Variants in ATP2A1 observed in about 807,000 individuals in gnomAD.
ATP2A1 encodes the protein ATPase sarcoplasmic/endoplasmic reticulum Ca2+ transporting 1, also known as sarcoplasmic/endoplasmic reticulum calcium ATPase 1.
ATP2A1 carries 83 observed loss-of-function variants against 109.5 expected under a neutral mutation model. That is an observed-to-expected ratio of 0.76 (90% CI 0.63 to 0.91). The LOEUF (loss-of-function observed/expected upper bound fraction) is 0.91. Among genes scored for constraint, ATP2A1 ranks in the 40% least tolerant of loss-of-function variants. ATP2A1 has a pLI of 0.00. For missense variants in ATP2A1, 1,101 were observed against 1,341.0 expected, an observed-to-expected ratio of 0.82 and a Z score of 2.80; for synonymous variants, 505 against 537.6, an observed-to-expected ratio of 0.94 and a Z score of 0.84.
chr16:28,883,294 A>G lies in ATP2A1; in HGVS notation c.463+705A>G, dbSNP rs746356155. Among the ~76,000 whole-genome samples, 1 of 152,202 alleles carries G rather than the reference A, an allele frequency of 6.6e-6. No individual in the cohort carries two copies. The highest frequency in any genetic ancestry group is 1.5e-5 in the Non-Finnish European group (1 of 68,028). On this transcript the variant is annotated intron_variant, in intron 5 of 22. Transcript: ENST00000395503. This position sits in a 1 kb window ranked among gnomAD's most constrained non-coding sequence, Gnocchi z 5.2. ...AGAGGCCTCCTTCCCTGTAGCAGAC[A>G]TCCGAATCACCACCCCAGGGAGCTT... is the stretch of plus-strand genomic sequence containing the variant.
intron 1 of ATP2A1, 66 bp downstream of exon 1, chr16:28,878,855 C>A: frequency 4.6e-6 from 7 of 1,506,760 alleles, no homozygotes; most frequent in Non-Finnish European, 6.5e-6. Context: ...CACACGCACA[C>A]GCATGCACGC....
chr16:28,886,987 T>C (rs1256029022), intron 6 of ATP2A1, among the ~76,000 whole-genome samples: 1 of 143,590 alleles, frequency 7.0e-6, no homozygotes, highest in East Asian at 2.0e-4. Context: ...ACTGCAACTC[T>C]GTCTCAAAAA....
intron 8 of ATP2A1, among the ~76,000 whole-genome samples, 172 bp downstream of exon 8, chr16:28,887,894 G>A (rs886832021): frequency 6.6e-6 from 1 of 152,134 alleles, no homozygotes; most frequent in Non-Finnish European, 1.5e-5. Context: ...TCCGCCTCGC[G>A]GGTTCACGCC....
rs1963990187 is a variant in ATP2A1, at chr16:28,898,860, G to A, written c.1764+409G>A. On this transcript the variant is annotated intron_variant, in intron 14 of 22. Coordinates refer to ENST00000395503, the MANE Select transcript of ATP2A1 (RefSeq NM_004320.6). This position sits in a 1 kb window ranked among gnomAD's most constrained non-coding sequence, Gnocchi z 4.0. Reference sequence around the variant, plus strand: ...GAACTGGACATGGTGACACACACCTGTAGACCCAGCTACTGGGGAGCCTGA... The same window carrying A: ...GAACTGGACATGGTGACACACACCTATAGACCCAGCTACTGGGGAGCCTGA... 6.6e-6 allele frequency among the ~76,000 whole-genome samples: 1 copy of A among 152,160 alleles called. No homozygotes were observed. The highest frequency in any genetic ancestry group is 1.5e-5 in the Non-Finnish European group (1 of 68,028).
intron 4 of ATP2A1, chr16:28,881,378 C>T: frequency 2.7e-6 from 1 of 371,866 alleles, no homozygotes; most frequent in Non-Finnish European, 5.1e-6. Flanking sequence ...CTGACCACCC[C>T]CTACATGTCC....
In ATP2A1 at chr16:28,898,962, G is replaced by A. The variant is rs1963991356; in HGVS notation, c.1764+511G>A. Among the ~76,000 whole-genome samples the A allele has an allele frequency of 6.6e-6, 1 of 151,746 alleles. No individual in the cohort carries two copies. Among genetic ancestry groups the A allele is most frequent in the South Asian group, 2.1e-4 (1 of 4,806 alleles). On this transcript the variant is annotated intron_variant, in intron 14 of 22. Transcript: ENST00000395503. The surrounding 1 kb of genome is among the most constrained non-coding windows in gnomAD (Gnocchi z 4.0). ...CCCACCACTGCACTCCAGCCTGCAT[G>A]ACAAGCAAGGCCCTGTCTCTAAAAA...
chr16:28,902,710 G>C lies in ATP2A1; in HGVS notation c.2610+45G>C. The stretch of plus-strand genomic sequence containing the variant: ...GAGGGGACCAGGAGGGTGTGGGGAT[G>C]CAGGAGGGTACCAGGAGGGTGGCAT... On this transcript the variant is annotated intron_variant, in intron 18 of 22. Coordinates refer to ENST00000395503, the MANE Select transcript of ATP2A1 (RefSeq NM_004320.6). The surrounding 1 kb of genome is among the most constrained non-coding windows in gnomAD (Gnocchi z 4.8). 1 of 1,613,912 alleles carries C rather than the reference G, an allele frequency of 6.2e-7. No homozygotes were observed. Among genetic ancestry groups the C allele is most frequent in the Non-Finnish European group, 8.5e-7 (1 of 1,179,876 alleles).
Position 28,903,205 on chromosome 16 carries a change from C to A in ATP2A1, c.2862+58C>A. 1 of 1,598,170 alleles carries A rather than the reference C, an allele frequency of 6.3e-7. No homozygotes were observed. The highest frequency in any genetic ancestry group is 8.6e-7 in the Non-Finnish European group (1 of 1,166,612). On this transcript the variant is annotated intron_variant, in intron 20 of 22. Transcript: ENST00000395503. This position sits in a 1 kb window ranked among gnomAD's most constrained non-coding sequence, Gnocchi z 5.6. ...CAGCACTGGGGAGCCCACGGCGGGC[C>A]CATGACCACTCCCACCAGGGGCGCC... is the stretch of plus-strand genomic sequence containing the variant.
At position 28,898,288 on chromosome 16, in the gene ATP2A1, G is replaced by A. The variant is rs149334947; in HGVS notation, c.1601G>A (p.Arg534Gln). ...AACTATGTGCGAGTTGGCACCACCC[G>A]GGTGCCACTGACGGGGCCGGTGAAG... ...RCNYVRVGTT[R>Q]VPLTGPVKEK... is the part of the protein sequence containing the mutation. Residue 534 changes from arginine (R) to glutamine (Q), a missense_variant, in exon 14 of 23, where the codon CGG becomes CAG. Arg to Gln is a conservative substitution (Grantham distance 43, BLOSUM62 1). Transcript: ENST00000395503. The surrounding 1 kb of genome is among the most constrained non-coding windows in gnomAD (Gnocchi z 4.0). 63 of 1,614,088 alleles carry A rather than the reference G, an allele frequency of 3.9e-5. No individual in the cohort carries two copies. The highest frequency in any genetic ancestry group is 6.7e-5 in the African/African-American group (5 of 74,936).
Position 28,902,145 on chromosome 16 carries a change from G to C in ATP2A1, c.2322-39G>C, listed in dbSNP as rs1169010702. The C allele has an allele frequency of 6.2e-7, 1 of 1,613,962 alleles. No homozygotes were observed. The highest frequency in any genetic ancestry group is 8.5e-7 in the Non-Finnish European group (1 of 1,179,800). On this transcript the variant is annotated intron_variant, in intron 16 of 22. Coordinates refer to ENST00000395503, the MANE Select transcript of ATP2A1 (RefSeq NM_004320.6). The surrounding 1 kb of genome is among the most constrained non-coding windows in gnomAD (Gnocchi z 4.8). Reference sequence around the variant, plus strand: ...GTTAGGGTGGGGTGGCTGCAGGTCTGGGAGGCAGGACAGAGGTGTGACCAC... The same window carrying C: ...GTTAGGGTGGGGTGGCTGCAGGTCTCGGAGGCAGGACAGAGGTGTGACCAC...
Position 28,900,897 on chromosome 16 carries a change from A to G in ATP2A1, c.2081A>G (p.Tyr694Cys), listed in dbSNP as rs1170802211. The change falls in exon 15 of 23, where the codon TAC (tyrosine) becomes TGC (cysteine). Residue 694 changes from tyrosine to cysteine, a missense_variant. Coordinates refer to ENST00000395503, the MANE Select transcript of ATP2A1 (RefSeq NM_004320.6). ...KSKIVEYLQS[Y>C]DEITAMTGDG... Reference sequence around the variant, plus strand: ...AAGATTGTGGAGTACCTGCAGTCCTACGATGAGATCACAGCCATGGTGAGA... The same window carrying G: ...AAGATTGTGGAGTACCTGCAGTCCTGCGATGAGATCACAGCCATGGTGAGA... 1 of 1,614,178 alleles carries G rather than the reference A, an allele frequency of 6.2e-7. No individual in the cohort carries two copies. Among genetic ancestry groups the G allele is most frequent in the South Asian group, 1.1e-5 (1 of 91,084 alleles).
chr16:28,888,086 C>G (rs562406582), intron 8 of ATP2A1, among the ~76,000 whole-genome samples: 6 of 151,994 alleles, frequency 3.9e-5, no homozygotes, highest in African/African-American at 1.2e-4. Context: ...CAGGCGTGAG[C>G]CACCGCACCC....
In ATP2A1 at chr16:28,902,956, T is replaced by A. The variant is rs776645921; in HGVS notation, c.2744+45T>A. On this transcript the variant is annotated intron_variant, in intron 19 of 22. Transcript: ENST00000395503. The surrounding 1 kb of genome is among the most constrained non-coding windows in gnomAD (Gnocchi z 4.8). ...ACCCACCACCCTCCCCTGAGGCCAC[T>A]GCCCACATCCTCCACTGTGCCGCCC... is the stretch of plus-strand genomic sequence containing the variant. 1.2e-5 allele frequency: 20 copies of A among 1,612,650 alleles called. No homozygotes were observed. The Admixed American group carries it at 3.0e-4, about 24-fold the overall frequency.
chr16:28,884,524 G>A (rs1757653052), intron 5 of ATP2A1, 51 bp from the exon 6 acceptor site: 2 of 1,540,768 alleles, frequency 1.3e-6, no homozygotes, highest in Admixed American at 1.7e-5. Context: ...TCTTTGGAAG[G>A]AAGAAAATTC....
Position 28,898,223 on chromosome 16 carries a change from G to A in ATP2A1, c.1546-10G>A. 1 of 1,614,098 alleles carries A rather than the reference G, an allele frequency of 6.2e-7. No individual in the cohort carries two copies. The highest frequency in any genetic ancestry group is 8.5e-7 in the Non-Finnish European group (1 of 1,179,994). On this transcript the variant is annotated splice_polypyrimidine_tract_variant and intron_variant, in intron 13 of 22. Transcript: ENST00000395503. This position sits in a 1 kb window ranked among gnomAD's most constrained non-coding sequence, Gnocchi z 4.0. The stretch of plus-strand genomic sequence containing the variant: ...AGTGGTGGTCTCTGAATGCTGTTCT[G>A]GTCTCCTAGGGTGCCCCTGAGGGCG...
At position 28,880,162 on chromosome 16, in the gene ATP2A1, A is replaced by C; in HGVS notation, c.219+579A>C. On this transcript the variant is annotated intron_variant, in intron 3 of 22. Coordinates refer to ENST00000395503, the MANE Select transcript of ATP2A1 (RefSeq NM_004320.6). This position sits in a 1 kb window ranked among gnomAD's most constrained non-coding sequence, Gnocchi z 4.2. The stretch of plus-strand genomic sequence containing the variant: ...GCCTTAGCCCTTCCCCGCGCTCCCT[A>C]GGCACCCCCACCCCCGCAGGGCATC... 1 of 987,900 alleles carries C rather than the reference A, an allele frequency of 1.0e-6. No individual in the cohort carries two copies. The allele number at this position is 987,900 out of a possible 1,614,324, so 61.2% of individuals were successfully genotyped here.
chr16:28,887,363 G>A, intron 7 of ATP2A1, 62 bp from the exon 8 acceptor site: 2 of 1,612,104 alleles, frequency 1.2e-6, no homozygotes, highest in Non-Finnish European at 1.7e-6. Context: ...GAGATGGCGT[G>A]GGGAGATGCG....
At chr16:28,904,055 G>C in intron 22 of ATP2A1, 125 bp from the exon 23 acceptor site, 1 of 925,978 alleles carries the variant, frequency 1.1e-6, no homozygotes, top group Non-Finnish European at 1.8e-6. Flanking sequence ...CAGGTGAGTA[G>C]GGGAGAAACT....
In ATP2A1 at chr16:28,881,033, C is replaced by T. The variant is rs1422081442; in HGVS notation, c.324+14C>T. ...GGGGTTTGGCAGGTTAGCGTTGACC[C>T]TTCCTTACCCCTTCATGTCCCAACA... On this transcript the variant is annotated intron_variant, in intron 4 of 22. Coordinates refer to ENST00000395503, the MANE Select transcript of ATP2A1 (RefSeq NM_004320.6). 2 of 1,609,474 alleles carry T rather than the reference C, an allele frequency of 1.2e-6. No individual in the cohort carries two copies. Among genetic ancestry groups the T allele is most frequent in the Non-Finnish European group, 1.7e-6 (2 of 1,175,748 alleles).
Sources: gnomAD v4.1 joint callset for allele counts (sites outside exome capture counted in the v4.1 genomes callset) on GRCh38, gnomAD v4.1.1 for gene constraint, Gnocchi (gnomAD v3.1) non-coding constraint, MANE v1.5 for transcripts, NCBI Gene and HGNC (gene_info 2026-07-23, HGNC 2026-07-21) for gene names.